The following PCYT1A variants were observed in gnomAD, a reference collection of about 807,000 sequenced individuals.
PCYT1A encodes phosphate cytidylyltransferase 1A, choline.
A neutral mutation model predicts 43.7 loss-of-function variants in PCYT1A; 25 were observed. The observed-to-expected ratio is 0.57, with a 90% CI of 0.42 to 0.80. The LOEUF (loss-of-function observed/expected upper bound fraction) is 0.80, where lower values mean the gene tolerates loss of function less well. Ranked by LOEUF, PCYT1A falls within the 30% of genes least tolerant of loss-of-function variation. PCYT1A has a pLI of 0.00. For missense variants in PCYT1A, 421 were observed against 474.2 expected, an observed-to-expected ratio of 0.89 and a Z score of 1.04; for synonymous variants, 172 against 170.7, an observed-to-expected ratio of 1.01 and a Z score of -0.06.
At chr3:196,255,383 G>A (rs184870213) in intron 3 of PCYT1A, among the ~76,000 whole-genome samples, 3 of 152,254 alleles carry the variant, frequency 2.0e-5, no homozygotes, top group African/African-American at 4.8e-5. Context: ...GGAAGCCTTC[G>A]CTTCTTGGTT....
intron 1 of PCYT1A, among the ~76,000 whole-genome samples, chr3:196,271,668 C>T (rs536180327): frequency 2.6e-5 from 3 of 117,582 alleles, no homozygotes; most frequent in South Asian, 3.1e-4. Flanking sequence ...GGCACGATCT[C>T]GGCTCTCACA....
At chr3:196,245,265 C>T (rs1724525849) in intron 5 of PCYT1A, among the ~76,000 whole-genome samples, 1 of 151,916 alleles carries the variant, frequency 6.6e-6, no homozygotes, top group African/African-American at 2.4e-5. Context: ...CCTCAGCCTC[C>T]CGAGTAGCTG....
rs1264154398 is a variant in PCYT1A, at chr3:196,235,617, G to C, written c.*3071C>G. 1.3e-5 allele frequency: 2 copies of C among 152,346 alleles called. No individual in the cohort carries two copies. Among genetic ancestry groups the C allele is most frequent in the Non-Finnish European group, 2.9e-5 (2 of 68,112 alleles). 9.4% of individuals were successfully genotyped at this position (152,346 alleles called of 1,614,324 possible). A position where few individuals can be genotyped will look rare whatever the true frequency, so the allele number is the denominator to read the frequency against. Reference sequence around the variant, plus strand: ...TCCGGCCCACCGGAAGGCAGTGGCTGCGCCGGCACCTCCCCGGCTCTGGCC... The same window carrying C: ...TCCGGCCCACCGGAAGGCAGTGGCTCCGCCGGCACCTCCCCGGCTCTGGCC... On this transcript the variant is annotated 3_prime_UTR_variant, in exon 9 of 9. Coordinates refer to ENST00000431016, the MANE Select transcript of PCYT1A (RefSeq NM_001312673.2). The surrounding 1 kb of genome is among the most constrained non-coding windows in gnomAD (Gnocchi z 4.3).
chr3:196,270,394 G>A lies in PCYT1A; in HGVS notation c.117+21C>T, dbSNP rs775355038. 1.6e-5 allele frequency: 23 copies of A among 1,458,566 alleles called. 1 individual carries two copies. Among genetic ancestry groups the A allele is most frequent in the Non-Finnish European group, 3.9e-6 (4 of 1,038,900 alleles). 90.4% of individuals were successfully genotyped at this position (1,458,566 alleles called of 1,614,324 possible). A position where few individuals can be genotyped will look rare whatever the true frequency, so the allele number is the denominator to read the frequency against. ...TCATATCGGTTTCTACCCTCCCCCT[G>A]CCAGGTTAATCTCCACTTACCACTG... On this transcript the variant is annotated intron_variant, in intron 2 of 8. Transcript: ENST00000431016.
chr3:196,243,521 CCCCTCT>C (rs1159056388), intron 5 of PCYT1A, among the ~76,000 whole-genome samples: 2 of 151,550 alleles, frequency 1.3e-5, no homozygotes, highest in African/African-American at 2.4e-5. Flanking sequence ...TCTCCCCTCT[CCCCTCT>C]CCCTCTCCCC....
At position 196,248,315 on chromosome 3, in the gene PCYT1A, G is replaced by A; in HGVS notation, c.226C>T (p.Pro76Ser). Residue 76 changes from proline to serine, a missense_variant, in exon 4 of 9, where the codon CCT (proline) becomes TCT (serine). Transcript: ENST00000431016. ...EASRGTPCER[P>S]VRVYADGIFD... ...ATTCCATCGGCATAAACTCTCACAG[G>A]TCGCTCACCTAAATCCAAATGAAAG... The A allele has an allele frequency of 6.3e-7, 1 of 1,591,212 alleles. No individual in the cohort carries two copies. Among genetic ancestry groups the A allele is most frequent in the Non-Finnish European group, 8.6e-7 (1 of 1,159,456 alleles).
At position 196,242,353 on chromosome 3, in the gene PCYT1A, G is replaced by T. The variant is rs115538516; in HGVS notation, c.565+209C>A. 17,494 of 691,422 alleles carry T rather than the reference G, an allele frequency of 0.025. 395 individuals are homozygous for T. Among genetic ancestry groups the T allele is most frequent in the South Asian group, 0.062 (4,020 of 64,730 alleles). The allele number at this position is 691,422 out of a possible 1,614,324, so 42.8% of individuals were successfully genotyped here. ...GAAATTAAGAGAGATATCCAAAGTA[G>T]ATGTTTAGACCAAGAATTGATGGAT... On this transcript the variant is annotated intron_variant, in intron 6 of 8. Transcript: ENST00000431016. The surrounding 1 kb of genome is among the most constrained non-coding windows in gnomAD (Gnocchi z 4.2).
At chr3:196,270,801 G>A (rs143723015) in intron 1 of PCYT1A, among the ~76,000 whole-genome samples, 1 of 152,284 alleles carries the variant, frequency 6.6e-6, no homozygotes, top group African/African-American at 2.4e-5. Flanking sequence ...CCCCCTCACA[G>A]TGCAGCCTAC....
intron 3 of PCYT1A, among the ~76,000 whole-genome samples, chr3:196,255,170 T>C (rs1357200629): frequency 6.6e-6 from 1 of 152,150 alleles, no homozygotes; most frequent in Admixed American, 6.5e-5. Context: ...CATAAAACAG[T>C]CAGACAAAAT....
chr3:196,238,963 G>A, intron 8 of PCYT1A, 69 bp from the exon 9 acceptor site: 1 of 948,906 alleles, frequency 1.1e-6, no homozygotes, highest in East Asian at 3.2e-5. Context: ...GAAGCATCTA[G>A]GACTGGGATA....
chr3:196,239,654 C>T lies in PCYT1A; in HGVS notation c.790G>A (p.Val264Ile). The change falls in exon 8 of 9, where the codon GTT becomes ATT. Residue 264 changes from valine to isoleucine, a missense_variant. Physicochemically the swap from Val to Ile is conservative, Grantham distance 29 (BLOSUM62 3). Transcript: ENST00000431016. ...ATGCTTTTTTCCTCCACCTTCTGAA[C>T]AAATTCTTTTGACTTTTCCTCCACA... ...KDVEEKSKEF[V>I]QKVEEKSIDL... The T allele has an allele frequency of 6.2e-7, 1 of 1,611,316 alleles. No homozygotes were observed. Among genetic ancestry groups the T allele is most frequent in the Non-Finnish European group, 8.5e-7 (1 of 1,177,424 alleles).
chr3:196,244,002 G>A (rs1219929983), intron 5 of PCYT1A, among the ~76,000 whole-genome samples: 1 of 151,880 alleles, frequency 6.6e-6, no homozygotes, highest in Non-Finnish European at 1.5e-5. Context: ...CCCATCGTCT[G>A]GGATGTGAGG....
Position 196,242,354 on chromosome 3 carries a change from A to T in PCYT1A, c.565+208T>A. On this transcript the variant is annotated intron_variant, in intron 6 of 8. Transcript: ENST00000431016. The surrounding 1 kb of genome is among the most constrained non-coding windows in gnomAD (Gnocchi z 4.2). ...AAATTAAGAGAGATATCCAAAGTAG[A>T]TGTTTAGACCAAGAATTGATGGATG... is the stretch of plus-strand genomic sequence containing the variant. 1 of 692,188 alleles carries T rather than the reference A, an allele frequency of 1.4e-6. No homozygotes were observed. The highest frequency in any genetic ancestry group is 2.7e-6 in the Non-Finnish European group (1 of 376,390). The allele number at this position is 692,188 out of a possible 1,614,324, so 42.9% of individuals were successfully genotyped here. A position where few individuals can be genotyped will look rare whatever the true frequency, so the allele number is the denominator to read the frequency against.
intron 3 of PCYT1A, among the ~76,000 whole-genome samples, chr3:196,256,008 CTACCTAT>C (rs1243004195): frequency 1.3e-5 from 2 of 152,174 alleles, no homozygotes; most frequent in African/African-American, 4.8e-5. Flanking sequence ...CTCCAGGAGC[CTACCTAT>C]TACCCAAATA....
intron 3 of PCYT1A, among the ~76,000 whole-genome samples, chr3:196,255,433 C>G (rs1157353024): frequency 6.6e-6 from 1 of 152,150 alleles, no homozygotes; most frequent in Admixed American, 6.6e-5. Context: ...AATGAAGAAA[C>G]TATAAAGTAG....
chr3:196,283,704 G>A (rs916816744), intron 1 of PCYT1A, among the ~76,000 whole-genome samples: 1 of 152,202 alleles, frequency 6.6e-6, no homozygotes, highest in African/African-American at 2.4e-5. Context: ...GAAAAGAGAG[G>A]TTTAGGACTA....
intron 3 of PCYT1A, among the ~76,000 whole-genome samples, 158 bp from the exon 4 acceptor site, chr3:196,248,481 C>T (rs1417382478): frequency 6.6e-6 from 1 of 151,764 alleles, no homozygotes; most frequent in Non-Finnish European, 1.5e-5. Flanking sequence ...AAGTGATTCT[C>T]CTGCCTCAGC....
rs370657415 is a variant in PCYT1A, at chr3:196,257,828, A to T, written c.177T>A (p.Tyr59Ter). ...DEIEVDFSKP[Y>*]VRVTMEEASR... ...TGGCTTCTTCCATAGTTACCCTGAC[A>T]TAGGGCTTACTAAAGTCAACTTCAA... is the stretch of plus-strand genomic sequence containing the variant. Residue 59 changes from tyrosine (Y) to a stop codon, truncating the protein, a stop_gained, in exon 3 of 9, where the codon TAT becomes TAA. Coordinates refer to ENST00000431016, the MANE Select transcript of PCYT1A (RefSeq NM_001312673.2). LOFTEE classifies it high-confidence loss of function. 6.2e-7 allele frequency: 1 copy of T among 1,613,216 alleles called. No individual in the cohort carries two copies. Among genetic ancestry groups the T allele is most frequent in the Non-Finnish European group, 8.5e-7 (1 of 1,179,312 alleles).
intron 3 of PCYT1A, 88 bp downstream of exon 3, chr3:196,257,700 G>A: frequency 1.2e-6 from 1 of 822,996 alleles, no homozygotes; most frequent in South Asian, 1.5e-5. Flanking sequence ...ACAGAGGGCA[G>A]TATATAGAGA....
Sources: allele counts gnomAD v4.1 joint callset (sites outside exome capture counted in the v4.1 genomes callset), GRCh38; gene constraint gnomAD v4.1.1; non-coding constraint Gnocchi (gnomAD v3.1); transcripts MANE v1.5; gene names NCBI Gene and HGNC (gene_info 2026-07-23, HGNC 2026-07-21).